TECPR2: variants seen among roughly 807,000 people sequenced by gnomAD.
The protein encoded by TECPR2 is tectonin beta-propeller repeat containing 2, also known as tectonin beta-propeller repeat-containing protein 2.
Under a neutral mutation model 138.1 loss-of-function variants are expected in TECPR2, and 65 were observed. The observed-to-expected ratio is 0.47, with a 90% CI of 0.39 to 0.58. TECPR2 has a LOEUF of 0.58. Among genes scored for constraint, TECPR2 ranks in the 20% least tolerant of loss-of-function variants. TECPR2 has a pLI of 0.00. For synonymous variants in TECPR2, 746 were observed against 749.8 expected, an observed-to-expected ratio of 0.99 and a Z score of 0.08; for missense variants, 1,553 against 1,824.5, an observed-to-expected ratio of 0.85 and a Z score of 2.71.
intron 7 of TECPR2, among the ~76,000 whole-genome samples, chr14:102,430,667 T>G (rs1386730409): frequency 6.6e-6 from 1 of 152,178 alleles, no homozygotes; most frequent in Non-Finnish European, 1.5e-5. Context: ...GGTGTCGTGT[T>G]GCAGAAAAGA....
chr14:102,426,141 C>T (rs1157363621), intron 6 of TECPR2, among the ~76,000 whole-genome samples: 1 of 152,060 alleles, frequency 6.6e-6, no homozygotes, highest in Non-Finnish European at 1.5e-5. Context: ...CAGCCTCGGC[C>T]TCCCAAAGTG....
chr14:102,425,494 T>G (rs1447106074), intron 6 of TECPR2, among the ~76,000 whole-genome samples: 1 of 152,202 alleles, frequency 6.6e-6, no homozygotes, highest in African/African-American at 2.4e-5. Flanking sequence ...GTTTTGACAT[T>G]TAGGTCCAAT....
intron 17 of TECPR2, among the ~76,000 whole-genome samples, chr14:102,477,110 C>T (rs956758239): frequency 6.6e-6 from 1 of 152,116 alleles, no homozygotes; most frequent in African/African-American, 2.4e-5. Context: ...TGGCTCATGC[C>T]TGTAATCCCA....
At chr14:102,410,406 C>T (rs1325675960) in intron 4 of TECPR2, among the ~76,000 whole-genome samples, 3 of 150,612 alleles carry the variant, frequency 2.0e-5, no homozygotes, top group Non-Finnish European at 4.4e-5. Context: ...CCACTATTGT[C>T]CCATGACCCT....
At position 102,443,596 on chromosome 14, in the gene TECPR2, T is replaced by C. The variant is rs1310347789; in HGVS notation, c.2753-51T>C. 6.4e-6 allele frequency: 9 copies of C among 1,410,214 alleles called. No individual in the cohort carries two copies. Among genetic ancestry groups the C allele is most frequent in the Non-Finnish European group, 8.5e-6 (9 of 1,064,200 alleles). 87.4% of individuals were successfully genotyped at this position (1,410,214 alleles called of 1,614,324 possible). ...AGCCAATAACCAAGTCAAAATGAGG[T>C]GTGGAGTTCTGACTGTGTGTCTTTG... On this transcript the variant is annotated intron_variant, in intron 11 of 19. Coordinates refer to ENST00000359520, the MANE Select transcript of TECPR2 (RefSeq NM_014844.5). This position sits in a 1 kb window ranked among gnomAD's most constrained non-coding sequence, Gnocchi z 4.9.
chr14:102,482,838 CTTTTTTTT>C (rs758301929), intron 17 of TECPR2, among the ~76,000 whole-genome samples: 1 of 96,576 alleles, frequency 1.0e-5, no homozygotes, highest in Non-Finnish European at 2.0e-5. Context: ...AGAAGCCTTT[CTTTTTTTT>C]TTTTTTTTTT....
At chr14:102,399,273 C>CAA (rs1888404879) in intron 2 of TECPR2, among the ~76,000 whole-genome samples, 1 of 151,844 alleles carries the variant, frequency 6.6e-6, no homozygotes, top group East Asian at 1.9e-4. Flanking sequence ...AAAAACAAAA[C>CAA]AAAACAAAAA....
rs570123921 is a variant in TECPR2, at chr14:102,431,559, G to A, written c.1085-237G>A. 4.6e-5 allele frequency among the ~76,000 whole-genome samples: 7 copies of A among 152,202 alleles called. No individual in the cohort carries two copies. In the South Asian group the frequency reaches 6.2e-4, roughly 14 times the overall value. The stretch of plus-strand genomic sequence containing the variant: ...GGGTTTCACTGTGTTAGCCAGGATG[G>A]TCTTGATCTCCTGACCTTGTGATCC... On this transcript the variant is annotated intron_variant, in intron 7 of 19. Coordinates refer to ENST00000359520, the MANE Select transcript of TECPR2 (RefSeq NM_014844.5).
intron 5 of TECPR2, among the ~76,000 whole-genome samples, chr14:102,417,412 A>G (rs1156924450): frequency 6.6e-6 from 1 of 152,226 alleles, no homozygotes; most frequent in Non-Finnish European, 1.5e-5. Flanking sequence ...GCCCTCAAAC[A>G]CAATGAGAGA....
At chr14:102,483,853 G>A (rs889131432) in intron 17 of TECPR2, among the ~76,000 whole-genome samples, 1 of 142,088 alleles carries the variant, frequency 7.0e-6, no homozygotes. Flanking sequence ...CTGGAGTGCA[G>A]TGGCGCAATC....
chr14:102,398,205 A>G (rs1597783677), intron 2 of TECPR2, among the ~76,000 whole-genome samples: 1 of 152,194 alleles, frequency 6.6e-6, no homozygotes, highest in Non-Finnish European at 1.5e-5. Context: ...GAAAAATACA[A>G]TAACTGAAAT....
intron 10 of TECPR2, chr14:102,438,422 G>C: frequency 3.7e-6 from 2 of 542,266 alleles, no homozygotes; most frequent in South Asian, 2.7e-5. Context: ...AGTGTAAATG[G>C]GTGTTCAGTT....
At chr14:102,384,715 A>G (rs570419985) in intron 2 of TECPR2, among the ~76,000 whole-genome samples, 88 of 149,160 alleles carry the variant, frequency 5.9e-4, no homozygotes, top group East Asian at 2.3e-3. Flanking sequence ...GTGTGTGTGT[A>G]TATATATATA....
intron 16 of TECPR2, among the ~76,000 whole-genome samples, chr14:102,453,042 T>C (rs891341101): frequency 6.6e-6 from 1 of 152,242 alleles, no homozygotes; most frequent in Admixed American, 6.5e-5. Context: ...CTCAGGACAG[T>C]ACCTGGCGGA....
At chr14:102,490,108 C>T (rs1036105055) in intron 17 of TECPR2, among the ~76,000 whole-genome samples, 12 of 152,256 alleles carry the variant, frequency 7.9e-5, no homozygotes, top group Admixed American at 6.5e-4. Context: ...TGATGAAAGC[C>T]GCACAGCAGG....
At position 102,440,455 on chromosome 14, in the gene TECPR2, T is replaced by G. The variant is rs757127842; in HGVS notation, c.2598T>G (p.Ile866Met). The change falls in exon 11 of 20, where the codon ATT becomes ATG. Residue 866 changes from isoleucine to methionine, a missense_variant. By Grantham distance (10) the Ile-to-Met change is conservative. Coordinates refer to ENST00000359520, the MANE Select transcript of TECPR2 (RefSeq NM_014844.5). ...CCATAGGAGCCCTTCTCTGGAAGAT[T>G]GAACAGAAATCTAACCGGGCTTTTG... ...VSPSGALLWK[I>M]EQKSNRAFAC... is the part of the protein sequence containing the mutation. The G allele has an allele frequency of 6.2e-7, 1 of 1,614,182 alleles. No individual in the cohort carries two copies. Among genetic ancestry groups the G allele is most frequent in the East Asian group, 2.2e-5 (1 of 44,882 alleles).
chr14:102,470,624 TTTC>T lies in TECPR2; in HGVS notation c.3789+5350_3789+5352del, dbSNP rs1290097401. ...CACCCAGCCTATTCAGAATTTTCTA[TTTC>T]TTCTTCTTCTTCTTTTTTTTTTTTT... On this transcript the variant is annotated intron_variant, in intron 17 of 19. Coordinates refer to ENST00000359520, the MANE Select transcript of TECPR2 (RefSeq NM_014844.5). Among the ~76,000 whole-genome samples, 331 of 151,120 alleles carry T rather than the reference TTTC, an allele frequency of 2.2e-3. 1 individual carries two copies. The highest frequency in any genetic ancestry group is 7.6e-3 in the African/African-American group (311 of 41,188).
chr14:102,471,442 C>G (rs564080216), intron 17 of TECPR2, among the ~76,000 whole-genome samples: 9 of 151,948 alleles, frequency 5.9e-5, no homozygotes, highest in African/African-American at 2.2e-4. Flanking sequence ...CACAGTGGCT[C>G]ATGTCTGTAA....
At chr14:102,435,871 G>A (rs1295706745) in intron 9 of TECPR2, among the ~76,000 whole-genome samples, 2 of 152,196 alleles carry the variant, frequency 1.3e-5, no homozygotes, top group African/African-American at 4.8e-5. Flanking sequence ...CCCTTAGCAA[G>A]TAATTATTAC....
Sources: gnomAD v4.1 joint callset for allele counts (sites outside exome capture counted in the v4.1 genomes callset) on GRCh38, gnomAD v4.1.1 for gene constraint, Gnocchi (gnomAD v3.1) non-coding constraint, MANE v1.5 for transcripts, NCBI Gene and HGNC (gene_info 2026-07-23, HGNC 2026-07-21) for gene names.